The following ITGA11 variants were observed in gnomAD, a reference collection of about 807,000 sequenced individuals.
ITGA11 encodes the protein integrin subunit alpha 11, also known as integrin alpha-11.
A neutral mutation model predicts 141.9 loss-of-function variants in ITGA11; 97 were observed. The observed-to-expected ratio is 0.68, with a 90% CI of 0.58 to 0.81. The LOEUF is 0.81. Ranked by LOEUF, ITGA11 falls within the 30% of genes least tolerant of loss-of-function variation. The probability of loss-of-function intolerance (pLI) is 0.00; values close to 1 mark genes in which losing one functional copy is unlikely to be tolerated. For synonymous variants in ITGA11, 658 were observed against 624.6 expected (o/e 1.05, Z -0.80); for missense variants, 1,387 against 1,559.2 (o/e 0.89, Z 1.86).
In ITGA11 at chr15:68,311,086, T is replaced by C. The variant is rs1324822041; in HGVS notation, c.3088-6A>G. ...ATGTTACAGGACGTGTTCGCCTACA[T>C]AAAGGACATGGACACACACACACAT... On this transcript the variant is annotated splice_polypyrimidine_tract_variant and splice_region_variant and intron_variant, in intron 25 of 29. Coordinates refer to ENST00000315757, the MANE Select transcript of ITGA11 (RefSeq NM_001004439.2). The C allele has an allele frequency of 6.2e-7, 1 of 1,601,356 alleles. No homozygotes were observed. The highest frequency in any genetic ancestry group is 8.5e-7 in the Non-Finnish European group (1 of 1,172,380).
intron 9 of ITGA11, among the ~76,000 whole-genome samples, chr15:68,350,143 G>A (rs1595872079): frequency 6.6e-6 from 1 of 152,272 alleles, no homozygotes; most frequent in East Asian, 1.9e-4. Context: ...AAAACGCACA[G>A]CCTCACGTCC....
intron 6 of ITGA11, 30 bp downstream of exon 6, chr15:68,358,428 A>C (rs765925507): frequency 6.3e-7 from 1 of 1,583,484 alleles, no homozygotes; most frequent in African/African-American, 1.3e-5. Flanking sequence ...GGCCCTGTTC[A>C]GAAGTGGAAA....
intron 2 of ITGA11, among the ~76,000 whole-genome samples, chr15:68,383,772 A>G (rs11637375): frequency 0.71 from 107,836 of 152,150 alleles, 39,180 homozygotes; most frequent in South Asian, 0.8. Flanking sequence ...CTCATGTGGA[A>G]AGCTCCCATT....
chr15:68,313,668 A>G (rs1893469084), intron 23 of ITGA11, 111 bp downstream of exon 23: 2 of 762,744 alleles, frequency 2.6e-6, no homozygotes, highest in Non-Finnish European at 4.4e-6. Flanking sequence ...ATAGTCCCTT[A>G]GTGCTGGGGT....
Position 68,369,185 on chromosome 15 carries a change from C to T in ITGA11, c.264G>A (p.Leu88=). The change falls in exon 3 of 30, where the codon CTG becomes CTA. Residue 88 remains leucine, a splice_region_variant and synonymous_variant. Coordinates refer to ENST00000315757, the MANE Select transcript of ITGA11 (RefSeq NM_001004439.2). The part of the protein sequence containing the change: ...VIHGNCTKLN[L]GRVTLSNVSE... ...GAAGAGACCACCAGCCCACGTTACCCAGGTTGAGTTTGGTGCAGTTCCCGT... is the reference window on the plus strand; with the variant it reads ...GAAGAGACCACCAGCCCACGTTACCTAGGTTGAGTTTGGTGCAGTTCCCGT... The T allele has an allele frequency of 6.2e-7, 1 of 1,611,850 alleles. No homozygotes were observed. Among genetic ancestry groups the T allele is most frequent in the Non-Finnish European group, 8.5e-7 (1 of 1,177,968 alleles).
At chr15:68,359,071 G>A (rs1209629935) in intron 5 of ITGA11, among the ~76,000 whole-genome samples, 1 of 152,164 alleles carries the variant, frequency 6.6e-6, no homozygotes, top group Non-Finnish European at 1.5e-5. Flanking sequence ...GTGACCTAGG[G>A]TCAGTCACAA....
chr15:68,329,307 C>A (rs1398991718), intron 15 of ITGA11, among the ~76,000 whole-genome samples: 5 of 152,172 alleles, frequency 3.3e-5, no homozygotes, highest in African/African-American at 1.2e-4. Context: ...CCATTGGAAT[C>A]ACTTGGGGAG....
At chr15:68,311,480 C>A (rs1382513983) in intron 24 of ITGA11, 77 bp from the exon 25 acceptor site, 2 of 1,003,070 alleles carry the variant, frequency 2.0e-6, no homozygotes, top group Non-Finnish European at 3.1e-6. Flanking sequence ...GGCCAACCAG[C>A]CCCTGGGGGT....
chr15:68,402,858 A>ATGGAGG, intron 2 of ITGA11, 60 bp downstream of exon 2: 2 of 1,173,402 alleles, frequency 1.7e-6, no homozygotes, highest in Non-Finnish European at 2.5e-6. Context: ...CAGGGGCAGG[A>ATGGAGG]TGGAGGGGGC....
intron 24 of ITGA11, 23 bp from the exon 25 acceptor site, chr15:68,311,426 G>A: frequency 5.4e-6 from 8 of 1,476,582 alleles, no homozygotes; most frequent in Non-Finnish European, 7.4e-6. Flanking sequence ...ACAGGGAGGT[G>A]TCAGTACAGT....
At chr15:68,411,136 T>C (rs1018752395) in intron 1 of ITGA11, among the ~76,000 whole-genome samples, 2 of 152,194 alleles carry the variant, frequency 1.3e-5, no homozygotes, top group South Asian at 2.1e-4. Context: ...GGATTAGACA[T>C]GTACACTGAG....
intron 2 of ITGA11, among the ~76,000 whole-genome samples, chr15:68,387,585 A>T (rs1417405934): frequency 2.0e-5 from 3 of 152,116 alleles, no homozygotes; most frequent in Non-Finnish European, 2.9e-5. Flanking sequence ...TACACATGAC[A>T]CACATGACAG....
chr15:68,424,251 C>G (rs1566946102), intron 1 of ITGA11, among the ~76,000 whole-genome samples: 1 of 152,358 alleles, frequency 6.6e-6, no homozygotes, highest in African/African-American at 2.4e-5. Flanking sequence ...CCCAACCCAG[C>G]TGTGAATCCT....
chr15:68,347,053 C>T (rs1447733564), intron 10 of ITGA11, among the ~76,000 whole-genome samples: 2 of 152,230 alleles, frequency 1.3e-5, no homozygotes, highest in Non-Finnish European at 2.9e-5. Context: ...CGGGTCCTTT[C>T]AGCACTTTAG....
chr15:68,346,873 C>T (rs1894760012), intron 10 of ITGA11, among the ~76,000 whole-genome samples: 1 of 152,178 alleles, frequency 6.6e-6, no homozygotes, highest in African/African-American at 2.4e-5. Context: ...CCCCCTATCC[C>T]CTGCATTGAG....
chr15:68,317,426 C>T, intron 20 of ITGA11, 63 bp from the exon 21 acceptor site: 1 of 1,134,632 alleles, frequency 8.8e-7, no homozygotes, highest in Middle Eastern at 1.9e-4. Context: ...GGTCTCGAGG[C>T]TCCCTCACCC....
intron 1 of ITGA11, among the ~76,000 whole-genome samples, chr15:68,405,763 G>A (rs1301473062): frequency 6.7e-6 from 1 of 149,472 alleles, no homozygotes; most frequent in Non-Finnish European, 1.5e-5. Context: ...CCTGTGCAGA[G>A]CTCGGAGCTT....
At position 68,350,629 on chromosome 15, in the gene ITGA11, A is replaced by T; in HGVS notation, c.1048T>A (p.Phe350Ile). 1 of 1,613,372 alleles carries T rather than the reference A, an allele frequency of 6.2e-7. No individual in the cohort carries two copies. The highest frequency in any genetic ancestry group is 8.5e-7 in the Non-Finnish European group (1 of 1,179,556). The change falls in exon 9 of 30, where the codon TTC becomes ATC. Residue 350 changes from phenylalanine to isoleucine, a missense_variant. Phe to Ile is a conservative substitution (Grantham distance 21). Transcript: ENST00000315757. ...DIVDALGDRIFSLEGTNKNET... is the reference protein window; with the variant it reads ...DIVDALGDRIISLEGTNKNET... ...ATGCATTGCTTACCTTCCAGGCTGAAGATTCTGTCCCCCAGGGCATCGACA... is the reference window on the plus strand; with the variant it reads ...ATGCATTGCTTACCTTCCAGGCTGATGATTCTGTCCCCCAGGGCATCGACA...
At chr15:68,372,838 C>T (rs1895630228) in intron 2 of ITGA11, among the ~76,000 whole-genome samples, 1 of 152,206 alleles carries the variant, frequency 6.6e-6, no homozygotes, top group Admixed American at 6.5e-5. Context: ...TCTGCTTATC[C>T]TCAGCTCCAT....
Sources: allele counts gnomAD v4.1 joint callset (sites outside exome capture counted in the v4.1 genomes callset), GRCh38; gene constraint gnomAD v4.1.1; transcripts MANE v1.5; gene names NCBI Gene and HGNC (gene_info 2026-07-23, HGNC 2026-07-21).